Variants in SLC12A2 observed in about 807,000 individuals in gnomAD.
SLC12A2 encodes solute carrier family 12 member 2, also known as Na-K-2Cl cotransporter 1.
A neutral mutation model predicts 136.3 loss-of-function variants in SLC12A2; 67 were observed. The observed-to-expected ratio is 0.49, with a 90% CI of 0.40 to 0.60. The LOEUF is 0.60. Among genes scored for constraint, SLC12A2 ranks in the 20% least tolerant of loss-of-function variants. SLC12A2 has a pLI of 0.00. For missense variants in SLC12A2, 1,322 were observed against 1,534.7 expected, an observed-to-expected ratio of 0.86 and a Z score of 2.32; for synonymous variants, 619 against 562.9, an observed-to-expected ratio of 1.10 and a Z score of -1.41.
intron 16 of SLC12A2, among the ~76,000 whole-genome samples, chr5:128,160,843 TTGTGTGTGTG>T (rs145223863): frequency 1.4e-5 from 2 of 147,364 alleles, no homozygotes; most frequent in Non-Finnish European, 3.0e-5. Context: ...GGGTGTGTGT[TTGTGTGTGTG>T]TGTGTGTGTG....
intron 16 of SLC12A2, among the ~76,000 whole-genome samples, chr5:128,158,537 C>A (rs1006687648): frequency 1.3e-5 from 2 of 152,132 alleles, no homozygotes; most frequent in African/African-American, 4.8e-5. Context: ...TGATCTCATT[C>A]TTTTTTATGG....
At chr5:128,102,596 C>CCCCTTCTTT (rs1561657602) in intron 1 of SLC12A2, among the ~76,000 whole-genome samples, 1 of 40,450 alleles carries the variant, frequency 2.5e-5, no homozygotes, top group Non-Finnish European at 4.9e-5. Flanking sequence ...CCCCCCCCGC[C>CCCCTTCTTT]TTTTTTTTTT....
At chr5:128,181,771 C>T (rs575910142) in intron 23 of SLC12A2, among the ~76,000 whole-genome samples, 1 of 152,152 alleles carries the variant, frequency 6.6e-6, no homozygotes, top group South Asian at 2.1e-4. Flanking sequence ...TACACTTTTC[C>T]CTATGCTCTA....
chr5:128,134,258 A>G lies in SLC12A2; in HGVS notation c.1282A>G (p.Met428Val). ...TCTTTTAGGTATCTCAGTAGCTGGA[A>G]TGGAGTGGGAAGCAAAAGTAAGTTA... ...VILLGISVAG[M>V]EWEAKAQIVL... The change falls in exon 6 of 27, where the codon ATG (methionine) becomes GTG (valine). Residue 428 changes from methionine to valine, a missense_variant. Transcript: ENST00000262461. 1.3e-6 allele frequency: 2 copies of G among 1,586,110 alleles called. No homozygotes were observed. Among genetic ancestry groups the G allele is most frequent in the South Asian group, 1.1e-5 (1 of 90,250 alleles).
At chr5:128,105,042 G>A (rs1167638933) in intron 1 of SLC12A2, among the ~76,000 whole-genome samples, 1 of 152,144 alleles carries the variant, frequency 6.6e-6, no homozygotes, top group African/African-American at 2.4e-5. Flanking sequence ...ATGGTTAAGT[G>A]TTTTCACTGA....
intron 1 of SLC12A2, among the ~76,000 whole-genome samples, chr5:128,107,097 G>T (rs1266932777): frequency 4.0e-5 from 6 of 151,818 alleles, no homozygotes; most frequent in African/African-American, 1.5e-4. Context: ...TCTTGTTCTG[G>T]CTTTATTTGA....
rs1201998148 is a variant in SLC12A2 at position 128,178,659 on chromosome 5, A to G, written c.3070A>G (p.Ile1024Val). 3.8e-6 allele frequency: 6 copies of G among 1,585,486 alleles called. No homozygotes were observed. Among genetic ancestry groups the G allele is most frequent in the Non-Finnish European group, 5.1e-6 (6 of 1,168,834 alleles). Residue 1024 changes from isoleucine (I) to valine (V), a missense_variant, in exon 22 of 27, where the codon ATT (isoleucine) becomes GTT (valine). By Grantham distance (29) the Ile-to-Val change is conservative. Coordinates refer to ENST00000262461, the MANE Select transcript of SLC12A2 (RefSeq NM_001046.3). ...TCAGAAAAAACAAGGAAAGAATACT[A>G]TTGATGTCTGGTGGCTTTTTGATGA... ...QFQKKQGKNTIDVWWLFDDGG... is the reference protein window; with the variant it reads ...QFQKKQGKNTVDVWWLFDDGG...
At chr5:128,113,595 T>C (rs1057001310) in intron 2 of SLC12A2, among the ~76,000 whole-genome samples, 4 of 152,182 alleles carry the variant, frequency 2.6e-5, no homozygotes, top group African/African-American at 9.6e-5. Context: ...AGTTCTAGTA[T>C]TAATTTTATT....
At chr5:128,168,923 A>T (rs1013114965) in intron 18 of SLC12A2, 1 of 151,874 alleles carries the variant, frequency 6.6e-6, no homozygotes, top group Non-Finnish European at 1.5e-5. Flanking sequence ...GTTCTTTTTT[A>T]TTCTTTGCTA....
chr5:128,084,410 T>A lies in SLC12A2; in HGVS notation c.456T>A (p.Ala152=). The A allele has an allele frequency of 1.2e-6, 2 of 1,611,670 alleles. No homozygotes were observed. The highest frequency in any genetic ancestry group is 1.7e-6 in the Non-Finnish European group (2 of 1,179,124). ...NFVDPAASSS[A]EDSLSDAAGV... ...TGGACCCAGCTGCCTCCTCGTCGGC[T>A]GAAGACAGCCTGTCAGATGCTGCCG... The change falls in exon 1 of 27, where the codon GCT becomes GCA. Residue 152 remains alanine (A), a synonymous_variant. Coordinates refer to ENST00000262461, the MANE Select transcript of SLC12A2 (RefSeq NM_001046.3). The surrounding 1 kb of genome is among the most constrained non-coding windows in gnomAD (Gnocchi z 5.6).
intron 1 of SLC12A2, chr5:128,110,407 T>G (rs1215091796): frequency 2.9e-6 from 3 of 1,042,340 alleles, no homozygotes; most frequent in Non-Finnish European, 4.6e-6. Context: ...ACAGCTGTCT[T>G]GAGAGGGCAA....
chr5:128,176,718 T>C (rs1055168985), intron 20 of SLC12A2, among the ~76,000 whole-genome samples: 1 of 152,050 alleles, frequency 6.6e-6, no homozygotes, highest in African/African-American at 2.4e-5. Context: ...TGCACAGTGA[T>C]GGCATGTTTA....
intron 16 of SLC12A2, 103 bp from the exon 17 acceptor site, chr5:128,161,557 T>G: frequency 1.7e-6 from 1 of 597,286 alleles, no homozygotes; most frequent in Non-Finnish European, 2.5e-6. Context: ...TGACCCTACA[T>G]TTAGTCACCT....
chr5:128,183,978 T>C (rs911222853), intron 24 of SLC12A2, among the ~76,000 whole-genome samples: 3 of 152,078 alleles, frequency 2.0e-5, no homozygotes, highest in African/African-American at 7.2e-5. Flanking sequence ...TTTCAGATTT[T>C]TTTTTAAATT....
At chr5:128,139,777 A>G (rs1369560613) in intron 9 of SLC12A2, among the ~76,000 whole-genome samples, 1 of 152,230 alleles carries the variant, frequency 6.6e-6, no homozygotes, top group Non-Finnish European at 1.5e-5. Context: ...AAAGAATCAT[A>G]AACTCCAAGC....
chr5:128,126,966 ATT>A (rs1554105175), intron 4 of SLC12A2, among the ~76,000 whole-genome samples: 1 of 21,156 alleles, frequency 4.7e-5, no homozygotes, highest in Non-Finnish European at 7.7e-5. Flanking sequence ...ATATATATAT[ATT>A]TTTTTTTTTT....
intron 22 of SLC12A2, among the ~76,000 whole-genome samples, chr5:128,179,671 C>T (rs1473091911): frequency 6.6e-6 from 1 of 152,012 alleles, no homozygotes; most frequent in Non-Finnish European, 1.5e-5. Flanking sequence ...ATGCCACACA[C>T]TTTTAAATCA....
intron 16 of SLC12A2, among the ~76,000 whole-genome samples, chr5:128,159,679 C>T (rs1422064497): frequency 6.6e-6 from 1 of 152,002 alleles, no homozygotes; most frequent in African/African-American, 2.4e-5. Context: ...CAAATCAAAA[C>T]GACAATGAGA....
intron 19 of SLC12A2, 63 bp from the exon 20 acceptor site, chr5:128,174,475 CATA>C: frequency 3.4e-6 from 4 of 1,189,682 alleles, no homozygotes; most frequent in Non-Finnish European, 4.7e-6. Context: ...ATTACTAAAC[CATA>C]ATGCCTTATT....
Sources: gnomAD v4.1 joint callset for allele counts (sites outside exome capture counted in the v4.1 genomes callset) on GRCh38, gnomAD v4.1.1 for gene constraint, Gnocchi (gnomAD v3.1) non-coding constraint, MANE v1.5 for transcripts, NCBI Gene and HGNC (gene_info 2026-07-23, HGNC 2026-07-21) for gene names.